MMACHC: variants seen among roughly 807,000 people sequenced by gnomAD.
MMACHC encodes the protein metabolism of cobalamin associated C.
MMACHC carries 14 observed loss-of-function variants against 17.6 expected under a neutral mutation model. The ratio of observed to expected loss-of-function variants is 0.80; its 90% CI spans 0.53 to 1.25. MMACHC has a LOEUF of 1.25. Ranked by LOEUF, MMACHC falls within the 50% of genes most tolerant of loss-of-function variation. The pLI is 0.00. For missense variants in MMACHC, 392 were observed against 364.5 expected (o/e 1.08, Z -0.62); for synonymous variants, 151 against 142.1 (o/e 1.06, Z -0.45).
In MMACHC at chr1:45,511,492, C is replaced by G. The variant is rs186082850; in HGVS notation, c.*2277C>G. 8 of 1,201,368 alleles carry G rather than the reference C, an allele frequency of 6.7e-6. No homozygotes were observed. Among genetic ancestry groups the G allele is most frequent in the Non-Finnish European group, 7.2e-6 (6 of 832,846 alleles). The allele number at this position is 1,201,368 out of a possible 1,614,324, so 74.4% of individuals were successfully genotyped here. On this transcript the variant is annotated 3_prime_UTR_variant, in exon 4 of 4. Coordinates refer to ENST00000401061, the MANE Select transcript of MMACHC (RefSeq NM_015506.3). ...CATTCTCCTATGGACAAAACCAGTT[C>G]TGCACCTGAACACTCAGATACCAGG...
intron 1 of MMACHC, 88 bp from the exon 2 acceptor site, chr1:45,507,268 C>A: frequency 1.6e-6 from 2 of 1,283,490 alleles, no homozygotes; most frequent in Admixed American, 2.0e-5. Context: ...GAGGCTGGGG[C>A]AAAAGTGTGA....
rs775502093 is a variant in MMACHC at position 45,507,419 on chromosome 1, G to T, written c.145G>T (p.Ala49Ser). Residue 49 changes from alanine (A) to serine (S), a missense_variant, in exon 2 of 4, where the codon GCC becomes TCC. Coordinates refer to ENST00000401061, the MANE Select transcript of MMACHC (RefSeq NM_015506.3). The stretch of plus-strand genomic sequence containing the variant: ...CCTACCGCTGCCAGGACCTACCCTG[G>T]CCTTCCTGGTACTCAGCACGCCTGC... ...FHLPLPGPTL[A>S]FLVLSTPAMF... The T allele has an allele frequency of 3.1e-6, 5 of 1,613,980 alleles. No homozygotes were observed. Among genetic ancestry groups the T allele is most frequent in the Non-Finnish European group, 4.2e-6 (5 of 1,180,018 alleles).
At position 45,509,034 on chromosome 1, in the gene MMACHC, TCTCCA is replaced by T. The variant is rs1338125377; in HGVS notation, c.675_679del (p.Pro226CysfsTer17). 6.2e-7 allele frequency: 1 copy of T among 1,614,056 alleles called. No homozygotes were observed. Among genetic ancestry groups the T allele is most frequent in the Non-Finnish European group, 8.5e-7 (1 of 1,179,986 alleles). On this transcript the variant is annotated frameshift_variant, in exon 4 of 4. Transcript: ENST00000401061. LOFTEE classifies it low-confidence loss of function (END_TRUNC). The stretch of plus-strand genomic sequence containing the variant: ...TACTCAGAAGAGCAGAAGGCCTACT[TCTCCA>T]CTCCACCTGCCCAACGATTGGCCCT...
chr1:45,508,090 T>C lies in MMACHC; in HGVS notation c.277-122T>C, dbSNP rs1196419193. 7 of 1,249,064 alleles carry C rather than the reference T, an allele frequency of 5.6e-6. No individual in the cohort carries two copies. The East Asian group carries it at 1.6e-4, about 29-fold the overall frequency. The allele number at this position is 1,249,064 out of a possible 1,614,324, so 77.4% of individuals were successfully genotyped here. On this transcript the variant is annotated intron_variant, in intron 2 of 3. Transcript: ENST00000401061. ...CACACTGGAGCCTCCCAAGTTAAGG[T>C]CATGTTTTCCCTTCTGAGGACAGGA... is the stretch of plus-strand genomic sequence containing the variant.
Position 45,500,814 on chromosome 1 carries a change from A to C in MMACHC, c.81+401A>C, listed in dbSNP as rs189131850. Among the ~76,000 whole-genome samples, 1,143 of 146,402 alleles carry C rather than the reference A, an allele frequency of 7.8e-3. 8 individuals are homozygous for C. Among genetic ancestry groups the C allele is most frequent in the Non-Finnish European group, 0.012 (803 of 67,162 alleles). ...ATGAGACGGAGGTTGCAGTGAGCCG[A>C]GATTGCGCCATTGCAGTCCAGCCTG... On this transcript the variant is annotated intron_variant, in intron 1 of 3. Transcript: ENST00000401061.
chr1:45,501,881 G>A (rs1261945532), intron 1 of MMACHC, among the ~76,000 whole-genome samples: 1 of 151,876 alleles, frequency 6.6e-6, no homozygotes, highest in East Asian at 1.9e-4. Flanking sequence ...CTATAAGACT[G>A]TCTACTGAAT....
At chr1:45,500,501 C>T in intron 1 of MMACHC, 88 bp downstream of exon 1, 5 of 1,266,850 alleles carry the variant, frequency 3.9e-6, no homozygotes, top group South Asian at 2.4e-5. Context: ...CTCTGATCCT[C>T]CTGGGTTCCT....
At chr1:45,507,201 T>C (rs1028287457) in intron 1 of MMACHC, among the ~76,000 whole-genome samples, 155 bp from the exon 2 acceptor site, 1 of 152,054 alleles carries the variant, frequency 6.6e-6, no homozygotes, top group African/African-American at 2.4e-5. Flanking sequence ...TTCAGTTGAG[T>C]TGCTTATAAA....
rs1173232857 is a variant in MMACHC at position 45,509,098 on chromosome 1, T to C, written c.732T>C (p.Ser244=). Residue 244 remains serine, a synonymous_variant, in exon 4 of 4, where the codon AGT becomes AGC. Coordinates refer to ENST00000401061, the MANE Select transcript of MMACHC (RefSeq NM_015506.3). ...LGLAQPSEKP[S]SPSPDLPFTT... ...TGGCTCAGCCCTCAGAGAAGCCTAG[T>C]TCTCCCTCCCCGGACCTTCCCTTTA... 6.2e-7 allele frequency: 1 copy of C among 1,612,606 alleles called. No individual in the cohort carries two copies. The highest frequency in any genetic ancestry group is 1.7e-5 in the Admixed American group (1 of 59,830).
At position 45,508,950 on chromosome 1, in the gene MMACHC, G is replaced by C. The variant is rs754862915; in HGVS notation, c.584G>C (p.Gly195Ala). The C allele has an allele frequency of 2.4e-5, 38 of 1,614,046 alleles. No individual in the cohort carries two copies. The Admixed American group carries it at 4.5e-4, about 19-fold the overall frequency. ...TRADRIALLEGFNFHWRDWTY... is the reference protein window; with the variant it reads ...TRADRIALLEAFNFHWRDWTY... ...GCTGACCGTATCGCCCTACTCGAAGGCTTCAATTTCCACTGGCGTGATTGG... is the reference window on the plus strand; with the variant it reads ...GCTGACCGTATCGCCCTACTCGAAGCCTTCAATTTCCACTGGCGTGATTGG... The change falls in exon 4 of 4, where the codon GGC (glycine) becomes GCC (alanine). Residue 195 changes from glycine to alanine, a missense_variant. Coordinates refer to ENST00000401061, the MANE Select transcript of MMACHC (RefSeq NM_015506.3).
In MMACHC at chr1:45,508,910, T is replaced by C. The variant is rs955468279; in HGVS notation, c.544T>C (p.Cys182Arg). 12 of 1,614,150 alleles carry C rather than the reference T, an allele frequency of 7.4e-6. No homozygotes were observed. Among genetic ancestry groups the C allele is most frequent in the Middle Eastern group, 1.7e-4 (1 of 6,060 alleles). Reference protein sequence around the residue: ...PDLPPRKPHDCVPTRADRIAL... With the variant: ...PDLPPRKPHDRVPTRADRIAL... ...TCTGCCACCCAGAAAACCTCATGAC[T>C]GTGTACCTACAAGAGCTGACCGTAT... Residue 182 changes from cysteine (C) to arginine (R), a missense_variant, in exon 4 of 4, where the codon TGT (cysteine) becomes CGT (arginine). Physicochemically the swap from Cys to Arg is radical, Grantham distance 180. Coordinates refer to ENST00000401061, the MANE Select transcript of MMACHC (RefSeq NM_015506.3).
rs1187902838 is a variant in MMACHC at position 45,511,043 on chromosome 1, C to T, written c.*1828C>T. On this transcript the variant is annotated 3_prime_UTR_variant, in exon 4 of 4. Transcript: ENST00000401061. The stretch of plus-strand genomic sequence containing the variant: ...TAATATGCTTCCTAAAATAAAGACT[C>T]ATCAAGGTCTCAGTTCAAGTTTAAT... 3.7e-6 allele frequency: 1 copy of T among 273,694 alleles called. No homozygotes were observed. The allele number at this position is 273,694 out of a possible 1,614,324, so 17.0% of individuals were successfully genotyped here.
At position 45,510,217 on chromosome 1, in the gene MMACHC, G is replaced by C. The variant is rs1237385830; in HGVS notation, c.*1002G>C. The C allele has an allele frequency of 6.6e-6, 1 of 152,228 alleles. No homozygotes were observed. The highest frequency in any genetic ancestry group is 1.5e-5 in the Non-Finnish European group (1 of 68,080). 9.4% of individuals were successfully genotyped at this position (152,228 alleles called of 1,614,324 possible). On this transcript the variant is annotated 3_prime_UTR_variant, in exon 4 of 4. Transcript: ENST00000401061. ...CTGGGAATTCTGTACTGCTGCTCAT[G>C]GGTGTAGTCGGTTCTAGAGGGGTGG...
At chr1:45,505,804 A>C (rs1288563861) in intron 1 of MMACHC, among the ~76,000 whole-genome samples, 1 of 151,394 alleles carries the variant, frequency 6.6e-6, no homozygotes, top group Non-Finnish European at 1.5e-5. Context: ...CAGGAGGCTG[A>C]GGCAGGGGAA....
intron 1 of MMACHC, among the ~76,000 whole-genome samples, chr1:45,502,040 T>C (rs897978074): frequency 6.6e-6 from 1 of 152,174 alleles, no homozygotes; most frequent in East Asian, 1.9e-4. Context: ...AAAATGATCA[T>C]GCTAGTTTAC....
At position 45,508,207 on chromosome 1, in the gene MMACHC, TC is replaced by T; in HGVS notation, c.277-3del. The T allele has an allele frequency of 6.2e-7, 1 of 1,614,110 alleles. No individual in the cohort carries two copies. ...CAGTACCCTCTATTTTGTCCACTGT[TC>T]CAGAGCCTCCCAGAGCTGCAGATAG... On this transcript the variant is annotated splice_region_variant and splice_polypyrimidine_tract_variant and intron_variant, in intron 2 of 3. Coordinates refer to ENST00000401061, the MANE Select transcript of MMACHC (RefSeq NM_015506.3).
In MMACHC at chr1:45,508,264, A is replaced by G. The variant is rs781133955; in HGVS notation, c.329A>G (p.Asn110Ser). The G allele has an allele frequency of 2.9e-5, 46 of 1,613,918 alleles. No individual in the cohort carries two copies. Among genetic ancestry groups the G allele is most frequent in the Admixed American group, 2.0e-4 (12 of 59,948 alleles). The change falls in exon 3 of 4, where the codon AAC (asparagine) becomes AGC (serine). Residue 110 changes from asparagine to serine, a missense_variant. Asn to Ser is a conservative substitution (Grantham distance 46). Coordinates refer to ENST00000401061, the MANE Select transcript of MMACHC (RefSeq NM_015506.3). ...EIIADYEVHP[N>S]RRPKILAQTA... ...ATTGCTGACTACGAGGTGCACCCCAACCGACGCCCCAAGATCCTGGCCCAG... is the reference window on the plus strand; with the variant it reads ...ATTGCTGACTACGAGGTGCACCCCAGCCGACGCCCCAAGATCCTGGCCCAG...
Position 45,511,416 on chromosome 1 carries a change from T to C in MMACHC, c.*2201T>C, listed in dbSNP as rs1379672870. 2 of 1,611,744 alleles carry C rather than the reference T, an allele frequency of 1.2e-6. No individual in the cohort carries two copies. Among genetic ancestry groups the C allele is most frequent in the Non-Finnish European group, 1.7e-6 (2 of 1,178,972 alleles). On this transcript the variant is annotated 3_prime_UTR_variant, in exon 4 of 4. Transcript: ENST00000401061. ...CAGGTTTCCAGCCAGCTGGGCACAC[T>C]GCAAGAGAAAGGCACCACTAATTAA...
Position 45,508,232 on chromosome 1 carries a change from A to G in MMACHC, c.297A>G (p.Ile99Met). The change falls in exon 3 of 4, where the codon ATA (isoleucine) becomes ATG (methionine). Residue 99 changes from isoleucine (I) to methionine (M), a missense_variant. Coordinates refer to ENST00000401061, the MANE Select transcript of MMACHC (RefSeq NM_015506.3). ...TCCAGAGCCTCCCAGAGCTGCAGAT[A>G]GAAATCATTGCTGACTACGAGGTGC... ...RVRESLPELQIEIIADYEVHP... is the reference protein window; with the variant it reads ...RVRESLPELQMEIIADYEVHP... 7 of 1,614,186 alleles carry G rather than the reference A, an allele frequency of 4.3e-6. No individual in the cohort carries two copies. The highest frequency in any genetic ancestry group is 5.9e-6 in the Non-Finnish European group (7 of 1,180,026).
Sources: gnomAD v4.1 joint callset for allele counts (sites outside exome capture counted in the v4.1 genomes callset) on GRCh38, gnomAD v4.1.1 for gene constraint, MANE v1.5 for transcripts, NCBI Gene and HGNC (gene_info 2026-07-23, HGNC 2026-07-21) for gene names.